The following USH2A variants were observed in gnomAD, a reference collection of about 807,000 sequenced individuals.
USH2A encodes the protein usherin.
A neutral mutation model predicts 538.9 loss-of-function variants in USH2A; 443 were observed. The observed-to-expected ratio is 0.82, with a 90% CI of 0.76 to 0.89. The LOEUF (loss-of-function observed/expected upper bound fraction) is 0.89. Ranked by LOEUF, USH2A falls within the 40% of genes least tolerant of loss-of-function variation. The probability of loss-of-function intolerance (pLI) is 0.00; values close to 1 mark genes in which losing one functional copy is unlikely to be tolerated. For missense variants in USH2A, 6,633 were observed against 6,324.8 expected, an observed-to-expected ratio of 1.05 and a Z score of -1.65; for synonymous variants, 2,413 against 2,273.5, an observed-to-expected ratio of 1.06 and a Z score of -1.75.
chr1:215,646,338 T>C lies in USH2A; in HGVS notation c.14791+1184A>G, dbSNP rs1656851694. On this transcript the variant is annotated intron_variant, in intron 67 of 71. Transcript: ENST00000307340. ...ATTTTCCACTGGACTCCATAAATTATGCAGTTGGTTCTGATAAGCACTTAT... is the reference window on the plus strand; with the variant it reads ...ATTTTCCACTGGACTCCATAAATTACGCAGTTGGTTCTGATAAGCACTTAT... 2.1e-5 allele frequency among the ~76,000 whole-genome samples: 3 copies of C among 145,618 alleles called. No homozygotes were observed. The Admixed American group carries it at 2.1e-4, about 10-fold the overall frequency.
intron 41 of USH2A, among the ~76,000 whole-genome samples, chr1:215,882,323 A>G (rs1408247909): frequency 6.6e-6 from 1 of 152,230 alleles, no homozygotes. Context: ...AAGAAAGATC[A>G]TGTGGGAATA....
chr1:216,066,345 A>T (rs532076019), intron 30 of USH2A, among the ~76,000 whole-genome samples: 16 of 152,210 alleles, frequency 1.1e-4, no homozygotes, highest in African/African-American at 3.6e-4. Context: ...GGAGGTCTGT[A>T]GTCCCAGCTA....
At chr1:215,685,342 T>G (rs200098957) in intron 61 of USH2A, among the ~76,000 whole-genome samples, 4,098 of 103,232 alleles carry the variant, frequency 0.04, 182 homozygotes, top group African/African-American at 0.12. Flanking sequence ...GTTTTTTTTT[T>G]TTGTTGTTGT....
intron 21 of USH2A, among the ~76,000 whole-genome samples, chr1:216,118,347 C>A (rs1187650453): frequency 6.6e-6 from 1 of 152,086 alleles, no homozygotes; most frequent in African/African-American, 2.4e-5. Flanking sequence ...CATAAAGCTT[C>A]TAACTAGAGA....
At chr1:216,171,600 T>C (rs1225519462) in intron 21 of USH2A, among the ~76,000 whole-genome samples, 3 of 152,088 alleles carry the variant, frequency 2.0e-5, no homozygotes, top group Non-Finnish European at 4.4e-5. Flanking sequence ...ATTAAATGAA[T>C]AATAACTAAT....
intron 3 of USH2A, among the ~76,000 whole-genome samples, chr1:216,388,163 T>C (rs138746218): frequency 1.1e-3 from 169 of 152,318 alleles, no homozygotes; most frequent in African/African-American, 4.0e-3. Context: ...TAACCATTAT[T>C]TTCTCAAATG....
intron 64 of USH2A, among the ~76,000 whole-genome samples, chr1:215,664,530 A>G (rs1558043395): frequency 6.6e-6 from 1 of 152,252 alleles, no homozygotes; most frequent in South Asian, 2.1e-4. Flanking sequence ...ACCAATCAAG[A>G]GAAGATAAAG....
At chr1:216,197,173 G>A (rs1217725407) in intron 18 of USH2A, among the ~76,000 whole-genome samples, 2 of 152,148 alleles carry the variant, frequency 1.3e-5, no homozygotes, top group African/African-American at 4.8e-5. Context: ...TCTTCAGAAA[G>A]AGGTAAACCT....
intron 30 of USH2A, among the ~76,000 whole-genome samples, chr1:216,064,061 C>T (rs995172204): frequency 3.3e-5 from 5 of 152,180 alleles, no homozygotes; most frequent in African/African-American, 9.6e-5. Flanking sequence ...GTAAGGAGCA[C>T]CGCCTACCAG....
intron 55 of USH2A, among the ~76,000 whole-genome samples, chr1:215,769,986 A>T (rs1290377670): frequency 1.3e-5 from 2 of 152,198 alleles, no homozygotes; most frequent in Non-Finnish European, 2.9e-5. Flanking sequence ...TTAATGGACC[A>T]TGTGGGCAAA....
chr1:215,736,650 A>G (rs1028107689), intron 60 of USH2A, among the ~76,000 whole-genome samples: 5 of 152,046 alleles, frequency 3.3e-5, no homozygotes, highest in African/African-American at 1.2e-4. Context: ...GAATATAGAC[A>G]ATAAGAAATA....
intron 38 of USH2A, among the ~76,000 whole-genome samples, chr1:215,928,788 G>T (rs1248213620): frequency 1.3e-5 from 2 of 152,016 alleles, no homozygotes; most frequent in African/African-American, 4.8e-5. Flanking sequence ...GTTTTAAGTT[G>T]CTGACTTTTG....
chr1:216,386,155 A>G (rs1156256316), intron 3 of USH2A, among the ~76,000 whole-genome samples: 1 of 152,202 alleles, frequency 6.6e-6, no homozygotes, highest in Non-Finnish European at 1.5e-5. Flanking sequence ...ATTAAATTGC[A>G]CAACAATTAT....
At chr1:215,861,368 GAGTT>G (rs1262549801) in intron 44 of USH2A, among the ~76,000 whole-genome samples, 1 of 152,254 alleles carries the variant, frequency 6.6e-6, no homozygotes, top group South Asian at 2.1e-4. Context: ...AACAGGGAAT[GAGTT>G]AGTTAGCGAA....
intron 32 of USH2A, among the ~76,000 whole-genome samples, chr1:216,007,745 T>C (rs1383187400): frequency 2.0e-5 from 3 of 152,170 alleles, no homozygotes; most frequent in African/African-American, 7.2e-5. Flanking sequence ...AAAGAAAGCA[T>C]CCTGGGTGGC....
chr1:215,762,041 A>G (rs1211483315), intron 56 of USH2A, among the ~76,000 whole-genome samples: 3 of 152,196 alleles, frequency 2.0e-5, no homozygotes, highest in African/African-American at 7.2e-5. Context: ...ATAGATTTCA[A>G]AAATGTCTCA....
chr1:216,375,727 G>C (rs1446224027), intron 3 of USH2A, among the ~76,000 whole-genome samples: 1 of 152,100 alleles, frequency 6.6e-6, no homozygotes, highest in African/African-American at 2.4e-5. Flanking sequence ...AAGAGGACTA[G>C]CTTTCAACCT....
chr1:216,171,918 A>C (rs927048930), intron 21 of USH2A, among the ~76,000 whole-genome samples: 3 of 152,108 alleles, frequency 2.0e-5, no homozygotes, highest in African/African-American at 7.2e-5. Flanking sequence ...TAAATGACTG[A>C]TAATACATTC....
chr1:215,832,575 G>T (rs1227011666), intron 47 of USH2A, among the ~76,000 whole-genome samples: 1 of 151,834 alleles, frequency 6.6e-6, no homozygotes, highest in Non-Finnish European at 1.5e-5. Flanking sequence ...AAAATTGTCA[G>T]CAAATTAAAA....
Sources: allele counts gnomAD v4.1 joint callset (sites outside exome capture counted in the v4.1 genomes callset), GRCh38; gene constraint gnomAD v4.1.1; transcripts MANE v1.5; gene names NCBI Gene and HGNC (gene_info 2026-07-23, HGNC 2026-07-21).